The following FAM222A variants were observed in gnomAD, a reference collection of about 807,000 sequenced individuals.
The protein encoded by FAM222A is protein FAM222A.
FAM222A carries 7 observed loss-of-function variants against 25.8 expected under a neutral mutation model. The ratio of observed to expected loss-of-function variants is 0.27; its 90% confidence interval spans 0.15 to 0.51. The LOEUF is 0.51. Among genes scored for constraint, FAM222A ranks in the 20% least tolerant of loss-of-function variants. FAM222A has a pLI of 0.97. For synonymous variants in FAM222A, 294 were observed against 298.8 expected, an observed-to-expected ratio of 0.98 and a Z score of 0.17; for missense variants, 573 against 640.5, an observed-to-expected ratio of 0.89 and a Z score of 1.14.
Position 109,729,294 on chromosome 12 carries a change from G to GA in FAM222A, c.-47+14404dup, listed in dbSNP as rs1032931989. 2.4e-4 allele frequency among the ~76,000 whole-genome samples: 37 copies of GA among 152,248 alleles called. No homozygotes were observed. In the Middle Eastern group the frequency reaches 0.02, roughly 84 times the overall value. ...TTTTAAATGCAGCAAACAGGGCAAA[G>GA]AAAAAAAGGTGTGGGCTGATTTGCA... On this transcript the variant is annotated intron_variant, in intron 1 of 2. Transcript: ENST00000538780.
Position 109,768,561 on chromosome 12 carries a change from A to C in FAM222A, c.632A>C (p.Gln211Pro). The C allele has an allele frequency of 6.2e-7, 1 of 1,602,076 alleles. No homozygotes were observed. Among genetic ancestry groups the C allele is most frequent in the Non-Finnish European group, 8.5e-7 (1 of 1,175,466 alleles). The change falls in exon 3 of 3, where the codon CAG (glutamine) becomes CCG (proline). Residue 211 changes from glutamine (Q) to proline (P), a missense_variant. Physicochemically the swap from Gln to Pro is moderately conservative, Grantham distance 76. This residue lies in a region of FAM222A where 412 missense variants were observed against 407.0 expected (regional missense o/e 1.01). Transcript: ENST00000538780. ...CTGTACCAGCTCAACCAGCAGTGCC[A>C]GGCCCCGGGCGCCGCACCCCCTGCC... ...SLLYQLNQQC[Q>P]APGAAPPACQ... is the part of the protein sequence containing the mutation.
chr12:109,723,046 G>A (rs1309210278), intron 1 of FAM222A, among the ~76,000 whole-genome samples: 1 of 152,002 alleles, frequency 6.6e-6, no homozygotes, highest in Non-Finnish European at 1.5e-5. Context: ...TTTCATCAGG[G>A]AACAATTATT....
chr12:109,751,174 CT>C (rs1220921333), intron 2 of FAM222A, among the ~76,000 whole-genome samples: 2 of 151,490 alleles, frequency 1.3e-5, no homozygotes, highest in African/African-American at 4.8e-5. Context: ...TTCTGCACCT[CT>C]TTTTTTTTCT....
At chr12:109,718,901 C>T (rs1887698509) in intron 1 of FAM222A, among the ~76,000 whole-genome samples, 1 of 152,198 alleles carries the variant, frequency 6.6e-6, no homozygotes, top group Non-Finnish European at 1.5e-5. Flanking sequence ...GGATGGATTC[C>T]TTCCACCTGG....
intron 1 of FAM222A, among the ~76,000 whole-genome samples, chr12:109,715,293 A>G (rs1295163218): frequency 6.6e-6 from 1 of 152,208 alleles, no homozygotes; most frequent in African/African-American, 2.4e-5. Context: ...CTTCAAGGGA[A>G]ATCACCTCAG....
intron 2 of FAM222A, among the ~76,000 whole-genome samples, chr12:109,747,430 C>G (rs942241787): frequency 6.6e-6 from 1 of 152,182 alleles, no homozygotes; most frequent in African/African-American, 2.4e-5. Context: ...GAGGTTGTTG[C>G]TCCTTGTTCT....
Position 109,770,490 on chromosome 12 carries a change from AAC to A in FAM222A, c.*1206_*1207del, listed in dbSNP as rs1565851587. On this transcript the variant is annotated 3_prime_UTR_variant, in exon 3 of 3. Coordinates refer to ENST00000538780, the MANE Select transcript of FAM222A (RefSeq NM_032829.3). Reference sequence around the variant, plus strand: ...AACGAAGAGAAAGAAGAAAAAGGAAAACACAGATGGTGTCTCAGCTGTCGGGT... The same window carrying A: ...AACGAAGAGAAAGAAGAAAAAGGAAAACAGATGGTGTCTCAGCTGTCGGGT... 2 of 152,594 alleles carry A rather than the reference AAC, an allele frequency of 1.3e-5. No homozygotes were observed. The highest frequency in any genetic ancestry group is 2.9e-5 in the Non-Finnish European group (2 of 68,028). The allele number at this position is 152,594 out of a possible 1,614,324, so 9.5% of individuals were successfully genotyped here.
At chr12:109,749,921 T>C (rs1888513654) in intron 2 of FAM222A, among the ~76,000 whole-genome samples, 1 of 152,264 alleles carries the variant, frequency 6.6e-6, no homozygotes, top group East Asian at 1.9e-4. Context: ...CCAATCCTTG[T>C]ATTTCAACCT....
intron 2 of FAM222A, among the ~76,000 whole-genome samples, chr12:109,764,671 G>A (rs1888992576): frequency 6.6e-6 from 1 of 152,136 alleles, no homozygotes; most frequent in Non-Finnish European, 1.5e-5. Flanking sequence ...GACTCCAGTA[G>A]GTTACCACAG....
intron 1 of FAM222A, among the ~76,000 whole-genome samples, chr12:109,735,226 T>C (rs1888054057): frequency 6.6e-6 from 1 of 152,208 alleles, no homozygotes; most frequent in African/African-American, 2.4e-5. Context: ...CCCCGTCCCT[T>C]GGGGCCTGAA....
At chr12:109,721,625 A>G (rs903453170) in intron 1 of FAM222A, among the ~76,000 whole-genome samples, 1 of 152,144 alleles carries the variant, frequency 6.6e-6, no homozygotes, top group Non-Finnish European at 1.5e-5. Context: ...GCCCGTCTCC[A>G]TGTGGCTCAG....
At chr12:109,764,172 G>A (rs1365836946) in intron 2 of FAM222A, among the ~76,000 whole-genome samples, 2 of 135,754 alleles carry the variant, frequency 1.5e-5, no homozygotes, top group African/African-American at 2.8e-5. Flanking sequence ...TGAGGCTGCA[G>A]TGAGCTACGA....
At chr12:109,741,143 AGGT>A (rs1006419470) in intron 1 of FAM222A, among the ~76,000 whole-genome samples, 20 of 152,182 alleles carry the variant, frequency 1.3e-4, no homozygotes, top group African/African-American at 4.8e-4. Context: ...CAGGAGTTGG[AGGT>A]GGTGGTCCCC....
At chr12:109,765,069 C>T (rs1889004299) in intron 2 of FAM222A, among the ~76,000 whole-genome samples, 1 of 152,240 alleles carries the variant, frequency 6.6e-6, no homozygotes, top group Non-Finnish European at 1.5e-5. Context: ...CCACACCCTT[C>T]ACCCAGGGCA....
At position 109,768,327 on chromosome 12, in the gene FAM222A, G is replaced by A. The variant is rs779185499; in HGVS notation, c.398G>A (p.Arg133Gln). The A allele has an allele frequency of 5.6e-6, 9 of 1,600,796 alleles. No homozygotes were observed. The highest frequency in any genetic ancestry group is 4.5e-5 in the East Asian group (2 of 44,288). ...KSVLKSAEGK[R>Q]TKLSPAAVQV... ...GTGCTCAAGAGCGCCGAGGGCAAGC[G>A]GACCAAGCTGTCACCGGCCGCCGTG... Residue 133 changes from arginine to glutamine, a missense_variant, in exon 3 of 3, where the codon CGG becomes CAG. Around this residue, in one of 3 missense-constraint regions of FAM222A, gnomAD observed 412 missense variants for 407.0 expected, o/e 1.01. Transcript: ENST00000538780.
chr12:109,718,148 C>T (rs1277529609), intron 1 of FAM222A, among the ~76,000 whole-genome samples: 3 of 152,178 alleles, frequency 2.0e-5, no homozygotes, highest in Non-Finnish European at 2.9e-5. Context: ...AGCACTCAAA[C>T]GCATGTTGTC....
At chr12:109,740,644 C>T (rs1343055753) in intron 1 of FAM222A, among the ~76,000 whole-genome samples, 2 of 152,192 alleles carry the variant, frequency 1.3e-5, no homozygotes, top group African/African-American at 4.8e-5. Context: ...GTTTGGGACG[C>T]TTGGCTTCTC....
chr12:109,723,385 T>G (rs756709395), intron 1 of FAM222A, among the ~76,000 whole-genome samples: 2 of 152,206 alleles, frequency 1.3e-5, no homozygotes, highest in Admixed American at 6.5e-5. Flanking sequence ...CACTGTAGAT[T>G]CTTTCTGCCA....
chr12:109,740,288 C>T (rs1488983296), intron 1 of FAM222A, among the ~76,000 whole-genome samples: 1 of 152,134 alleles, frequency 6.6e-6, no homozygotes, highest in Non-Finnish European at 1.5e-5. Context: ...CGGGTGTCTC[C>T]GAGATAAGGC....
Sources: gnomAD v4.1 joint callset for allele counts (sites outside exome capture counted in the v4.1 genomes callset) on GRCh38, gnomAD v4.1.1 for gene constraint, gnomAD v4.1.1 regional missense constraint, MANE v1.5 for transcripts, NCBI Gene and HGNC (gene_info 2026-07-23, HGNC 2026-07-21) for gene names.